Variants in TTC3 observed in about 807,000 individuals in gnomAD.
TTC3 encodes tetratricopeptide repeat domain 3.
A neutral mutation model predicts 249.6 loss-of-function variants in TTC3; 180 were observed. That is an observed-to-expected ratio of 0.72 (90% CI 0.64 to 0.82). The LOEUF is 0.82. TTC3 is among the 40% of genes least tolerant of loss of function. TTC3 has a pLI of 0.00. For synonymous variants in TTC3, 717 were observed against 805.0 expected (o/e 0.89, Z 1.85); for missense variants, 2,061 against 2,398.4 (o/e 0.86, Z 2.94).
At chr21:37,160,518 T>C (rs1450937324) in intron 29 of TTC3, among the ~76,000 whole-genome samples, 1 of 152,204 alleles carries the variant, frequency 6.6e-6, no homozygotes, top group African/African-American at 2.4e-5. Context: ...CTGGAATTAC[T>C]TAAAAGTCTG....
intron 34 of TTC3, 94 bp from the exon 35 acceptor site, chr21:37,172,501 T>C: frequency 7.4e-7 from 1 of 1,358,102 alleles, no homozygotes; most frequent in Non-Finnish European, 9.8e-7. Context: ...TGCTTTTTAC[T>C]CTCCTTTGTT....
intron 1 of TTC3, among the ~76,000 whole-genome samples, chr21:37,081,188 G>A (rs1385458971): frequency 7.3e-6 from 1 of 136,992 alleles, no homozygotes; most frequent in Non-Finnish European, 1.5e-5. Flanking sequence ...CGCCATCTTG[G>A]CTCATTGCAA....
At chr21:37,091,598 T>TATTTATTTA in intron 7 of TTC3, 185 bp downstream of exon 7, 1 of 211,468 alleles carries the variant, frequency 4.7e-6, no homozygotes, top group Non-Finnish European at 8.3e-6. Context: ...TTTATTTATT[T>TATTTATTTA]TGAGGCAGAT....
At chr21:37,098,951 G>C (rs1346627307) in intron 10 of TTC3, 1 of 152,078 alleles carries the variant, frequency 6.6e-6, no homozygotes, top group Admixed American at 6.6e-5. Flanking sequence ...GGGACAGCTG[G>C]GGGTAAAGCA....
At chr21:37,074,611 T>C (rs2070563589) in intron 1 of TTC3, among the ~76,000 whole-genome samples, 1 of 152,132 alleles carries the variant, frequency 6.6e-6, no homozygotes, top group African/African-American at 2.4e-5. Context: ...ATTTTACTCC[T>C]CCGGAGAGAG....
At chr21:37,142,778 G>T (rs549566085) in intron 20 of TTC3, among the ~76,000 whole-genome samples, 1 of 152,122 alleles carries the variant, frequency 6.6e-6, no homozygotes, top group African/African-American at 2.4e-5. Context: ...AAAAGAGCCC[G>T]CATTGCCAAG....
rs370795110 is a variant in TTC3 at position 37,162,790 on chromosome 21, T to G, written c.3170+727T>G. Among the ~76,000 whole-genome samples, 16 of 131,366 alleles carry G rather than the reference T, an allele frequency of 1.2e-4. No homozygotes were observed. In the East Asian group the frequency reaches 3.4e-3, roughly 28 times the overall value. The allele number at this position is 131,366 out of a possible 152,430, so 86.2% of individuals were successfully genotyped here. ...ACTGGGAGGCTTACACACAGAAATT[T>G]ATTTCTCACAGTTCTGGAGGCTGGG... On this transcript the variant is annotated intron_variant, in intron 31 of 45. Transcript: ENST00000355666.
intron 1 of TTC3, among the ~76,000 whole-genome samples, chr21:37,075,894 A>C (rs897508843): frequency 1.6e-4 from 24 of 152,058 alleles, no homozygotes; most frequent in Non-Finnish European, 3.4e-4. Flanking sequence ...TCTTATGATG[A>C]ATGTTTAAAA....
chr21:37,125,159 G>C (rs889914632), intron 14 of TTC3, among the ~76,000 whole-genome samples: 8 of 152,168 alleles, frequency 5.3e-5, no homozygotes, highest in Admixed American at 1.3e-4. Context: ...AGCTGGATCT[G>C]AAGCTAAGGG....
At chr21:37,082,507 T>C in intron 1 of TTC3, 1 of 985,392 alleles carries the variant, frequency 1.0e-6, no homozygotes, top group Non-Finnish European at 1.2e-6. Context: ...CCAGAAAGTT[T>C]AGCTGGCATC....
intron 34 of TTC3, among the ~76,000 whole-genome samples, chr21:37,169,812 C>G (rs983709663): frequency 2.0e-5 from 3 of 150,622 alleles, no homozygotes; most frequent in Non-Finnish European, 4.4e-5. Flanking sequence ...TGCGCCACTG[C>G]ACTCTAGCCC....
At chr21:37,191,857 G>A (rs1013654496) in intron 40 of TTC3, among the ~76,000 whole-genome samples, 1 of 152,182 alleles carries the variant, frequency 6.6e-6, no homozygotes. Flanking sequence ...CCAAAGTGCT[G>A]GGATTGCAGG....
chr21:37,192,582 C>T (rs1345702227), intron 41 of TTC3, among the ~76,000 whole-genome samples: 1 of 151,106 alleles, frequency 6.6e-6, no homozygotes, highest in East Asian at 2.0e-4. Context: ...GCCTGTTGCG[C>T]ACTGCTTTTG....
chr21:37,164,194 A>G (rs1348430153), exon 32 of TTC3: 1 of 1,609,514 alleles, frequency 6.2e-7, no homozygotes. Flanking sequence ...AACCCAAAAC[A>G]AAAATGTTCA....
chr21:37,169,204 C>T (rs1336801443), intron 34 of TTC3, among the ~76,000 whole-genome samples: 2 of 152,068 alleles, frequency 1.3e-5, no homozygotes, highest in Non-Finnish European at 2.9e-5. Context: ...TGAAACTAGA[C>T]AAATTGATTT....
At chr21:37,076,372 T>G (rs538186872) in intron 1 of TTC3, among the ~76,000 whole-genome samples, 1 of 152,358 alleles carries the variant, frequency 6.6e-6, no homozygotes, top group South Asian at 2.1e-4. Flanking sequence ...TTTGCTGTTA[T>G]GAAGTTATAT....
chr21:37,143,374 T>C (rs1194697600), intron 20 of TTC3, among the ~76,000 whole-genome samples: 7 of 151,468 alleles, frequency 4.6e-5, no homozygotes, highest in Admixed American at 1.3e-4. Flanking sequence ...ATCCAGAATC[T>C]ACAAAGAACT....
intron 7 of TTC3, among the ~76,000 whole-genome samples, chr21:37,093,627 A>G (rs1037539230): frequency 1.3e-5 from 2 of 152,130 alleles, no homozygotes; most frequent in Admixed American, 1.3e-4. Flanking sequence ...TACACCATAC[A>G]TGCTTGACAG....
intron 31 of TTC3, among the ~76,000 whole-genome samples, chr21:37,162,290 A>G (rs1331095102): frequency 6.6e-6 from 1 of 152,260 alleles, no homozygotes; most frequent in African/African-American, 2.4e-5. Context: ...CACTGGTGAC[A>G]TTCATTCACT....
Sources: allele counts gnomAD v4.1 joint callset (sites outside exome capture counted in the v4.1 genomes callset), GRCh38; gene constraint gnomAD v4.1.1; transcripts MANE v1.5; gene names NCBI Gene and HGNC (gene_info 2026-07-23, HGNC 2026-07-21).